Variants in DPP4 observed in about 807,000 individuals in gnomAD.
DPP4 encodes dipeptidyl peptidase 4.
A neutral mutation model predicts 122.4 loss-of-function variants in DPP4; 93 were observed. That is an observed-to-expected ratio of 0.76 (90% CI 0.64 to 0.90). The LOEUF (loss-of-function observed/expected upper bound fraction) is 0.90. Ranked by LOEUF, DPP4 falls within the 40% of genes least tolerant of loss-of-function variation. The probability of loss-of-function intolerance (pLI) is 0.00; values close to 1 mark genes in which losing one functional copy is unlikely to be tolerated. For missense variants in DPP4, 914 were observed against 907.3 expected (o/e 1.01, Z -0.09); for synonymous variants, 321 against 302.9 (o/e 1.06, Z -0.62).
chr2:162,057,409 CA>C (rs1684615131), intron 2 of DPP4, among the ~76,000 whole-genome samples: 1 of 152,192 alleles, frequency 6.6e-6, no homozygotes, highest in African/African-American at 2.4e-5. Context: ...GCTATATTTC[CA>C]AGAAGCCTCA....
chr2:162,065,193 C>T lies in DPP4; in HGVS notation c.94+8206G>A, dbSNP rs144416748. On this transcript the variant is annotated intron_variant, in intron 2 of 25. Coordinates refer to ENST00000360534, the MANE Select transcript of DPP4 (RefSeq NM_001935.4). ...GGATATGGACAAGTGACACAAATGT[C>T]GCCAGTAAGATCTGAAAGTTTGCAT... Among the ~76,000 whole-genome samples the T allele has an allele frequency of 3.1e-3, 467 of 152,262 alleles. 4 individuals carry two copies. Among genetic ancestry groups the T allele is most frequent in the South Asian group, 3.7e-3 (18 of 4,826 alleles).
At chr2:162,000,211 C>A (rs1021811609) in intron 23 of DPP4, among the ~76,000 whole-genome samples, 8 of 152,076 alleles carry the variant, frequency 5.3e-5, no homozygotes, top group South Asian at 2.1e-4. Context: ...CTACTTGTAA[C>A]CAAAGCTGCA....
At chr2:162,046,780 G>A (rs2106134669) in intron 4 of DPP4, 135 bp downstream of exon 4, 1 of 711,562 alleles carries the variant, frequency 1.4e-6, no homozygotes, top group Admixed American at 2.0e-5. Flanking sequence ...TTTCAAGAAG[G>A]AGAGAAAGAT....
intron 14 of DPP4, 141 bp downstream of exon 14, chr2:162,020,088 T>C: frequency 1.5e-6 from 1 of 674,932 alleles, no homozygotes; most frequent in Non-Finnish European, 2.5e-6. Flanking sequence ...AAGGCTTCCG[T>C]ATGTTAAAAA....
chr2:161,995,041 G>A lies in DPP4; in HGVS notation c.2126-7C>T, dbSNP rs747362861. ...TGCTGAAAGTGAACGTTATCTGCAG[G>A]GAGAGAAAGGAAACATAAAGTAGCT... is the stretch of plus-strand genomic sequence containing the variant. On this transcript the variant is annotated splice_polypyrimidine_tract_variant and splice_region_variant and intron_variant, in intron 24 of 25. Coordinates refer to ENST00000360534, the MANE Select transcript of DPP4 (RefSeq NM_001935.4). 6.2e-7 allele frequency: 1 copy of A among 1,613,916 alleles called. No homozygotes were observed. Among genetic ancestry groups the A allele is most frequent in the East Asian group, 2.2e-5 (1 of 44,866 alleles).
intron 18 of DPP4, among the ~76,000 whole-genome samples, chr2:162,015,263 T>C (rs1682867886): frequency 6.6e-6 from 1 of 152,230 alleles, no homozygotes; most frequent in African/African-American, 2.4e-5. Flanking sequence ...CTAACATTTA[T>C]CTTCCTTTTT....
chr2:162,050,334 A>C (rs969694164), intron 2 of DPP4, among the ~76,000 whole-genome samples: 1 of 152,228 alleles, frequency 6.6e-6, no homozygotes, highest in Non-Finnish European at 1.5e-5. Context: ...ATGTAATTTG[A>C]AATATAGATG....
At chr2:162,011,646 A>T in intron 20 of DPP4, 147 bp downstream of exon 20, 1 of 750,732 alleles carries the variant, frequency 1.3e-6, no homozygotes. Context: ...TAAACATAAC[A>T]TCTTCACTAA....
chr2:162,031,687 C>T (rs1021546062), intron 10 of DPP4, among the ~76,000 whole-genome samples: 6 of 152,108 alleles, frequency 3.9e-5, no homozygotes, highest in African/African-American at 7.2e-5. Flanking sequence ...TTCCTGGGGT[C>T]GTGAAAACCC....
At chr2:162,011,736 A>C (rs1682713498) in intron 20 of DPP4, 57 bp downstream of exon 20, 4 of 1,550,780 alleles carry the variant, frequency 2.6e-6, no homozygotes, top group African/African-American at 2.7e-5. Flanking sequence ...TTAAAATGTA[A>C]ATTTTAAAGG....
At position 162,047,439 on chromosome 2, in the gene DPP4, A is replaced by G; in HGVS notation, c.157T>C (p.Tyr53His). Residue 53 changes from tyrosine to histidine, a missense_variant, in exon 3 of 26, where the codon TAT becomes CAT. Tyr to His is a moderately conservative substitution (Grantham distance 83). Coordinates refer to ENST00000360534, the MANE Select transcript of DPP4 (RefSeq NM_001935.4). ...CTTAAGGAGTATAACTTCAGTCTAT[A>G]AGTATTTTTTAAGTAATCAGTTAGA... ...YTLTDYLKNTYRLKLYSLRWI... is the reference protein window; with the variant it reads ...YTLTDYLKNTHRLKLYSLRWI... The G allele has an allele frequency of 6.3e-7, 1 of 1,584,230 alleles. No homozygotes were observed. The highest frequency in any genetic ancestry group is 8.6e-7 in the Non-Finnish European group (1 of 1,159,558).
chr2:162,036,794 A>G (rs1479092629), intron 8 of DPP4, among the ~76,000 whole-genome samples: 3 of 152,220 alleles, frequency 2.0e-5, no homozygotes, highest in East Asian at 1.9e-4. Flanking sequence ...AAACTGAGGC[A>G]TGGAGCAATC....
intron 1 of DPP4, chr2:162,073,722 C>A: frequency 3.0e-6 from 2 of 674,626 alleles, no homozygotes; most frequent in Non-Finnish European, 5.1e-6. Flanking sequence ...TCTACCCCTG[C>A]CCGGGTTCGG....
intron 19 of DPP4, among the ~76,000 whole-genome samples, chr2:162,013,005 G>A (rs1380338613): frequency 6.6e-6 from 1 of 152,014 alleles, no homozygotes; most frequent in African/African-American, 2.4e-5. Flanking sequence ...TCTTGAGCTA[G>A]CAAATATTTT....
At chr2:162,005,531 T>C in intron 23 of DPP4, 1 of 407,288 alleles carries the variant, frequency 2.5e-6, no homozygotes, top group East Asian at 3.5e-5. Flanking sequence ...AATGAATGCA[T>C]ATTGTGACCT....
chr2:162,006,405 A>G (rs1264228831), intron 22 of DPP4, among the ~76,000 whole-genome samples: 1 of 152,164 alleles, frequency 6.6e-6, no homozygotes, highest in Non-Finnish European at 1.5e-5. Flanking sequence ...ATTCACTATA[A>G]TAAAAACAAA....
At chr2:162,027,964 G>A (rs886600658) in intron 10 of DPP4, among the ~76,000 whole-genome samples, 1 of 151,558 alleles carries the variant, frequency 6.6e-6, no homozygotes, top group Non-Finnish European at 1.5e-5. Flanking sequence ...CCGTGGCGCA[G>A]ACAGGAATTT....
At chr2:162,058,036 G>A (rs1684638942) in intron 2 of DPP4, among the ~76,000 whole-genome samples, 1 of 152,144 alleles carries the variant, frequency 6.6e-6, no homozygotes, top group African/African-American at 2.4e-5. Flanking sequence ...GCCTCCCAAA[G>A]TGCTGGGATT....
intron 6 of DPP4, 23 bp downstream of exon 6, chr2:162,039,109 G>A (rs201724864): frequency 1.2e-6 from 2 of 1,611,556 alleles, no homozygotes; most frequent in Admixed American, 3.3e-5. Context: ...AAGCCTAATA[G>A]ATTTTATTGG....
Sources: gnomAD v4.1 joint callset for allele counts (sites outside exome capture counted in the v4.1 genomes callset) on GRCh38, gnomAD v4.1.1 for gene constraint, MANE v1.5 for transcripts, NCBI Gene and HGNC (gene_info 2026-07-23, HGNC 2026-07-21) for gene names.